KCTD1: variants seen among roughly 807,000 people sequenced by gnomAD.
KCTD1 encodes the protein BTB/POZ domain-containing protein KCTD1.
Under a neutral mutation model 66.0 loss-of-function variants are expected in KCTD1, and 24 were observed. That is an observed-to-expected ratio of 0.36 (90% CI 0.26 to 0.51). The LOEUF is 0.51. Among genes scored for constraint, KCTD1 ranks in the 20% least tolerant of loss-of-function variants. The probability of loss-of-function intolerance (pLI) is 0.95; values close to 1 mark genes in which losing one functional copy is unlikely to be tolerated. For missense variants in KCTD1, 943 were observed against 1,205.2 expected (o/e 0.78, Z 3.22); for synonymous variants, 511 against 517.2 (o/e 0.99, Z 0.16).
intron 1 of KCTD1, chr18:26,600,140 G>T: frequency 6.2e-7 from 1 of 1,608,300 alleles, no homozygotes; most frequent in Non-Finnish European, 8.5e-7. Context: ...AGGAAGGCCT[G>T]TAAGAACTGC....
chr18:26,608,270 C>G (rs1351515984), intron 1 of KCTD1, among the ~76,000 whole-genome samples: 1 of 152,128 alleles, frequency 6.6e-6, no homozygotes, highest in Non-Finnish European at 1.5e-5. Context: ...TCTTGTCTTA[C>G]CTGCTTCACT....
chr18:26,504,852 T>C (rs943652008), intron 1 of KCTD1, among the ~76,000 whole-genome samples: 1 of 152,200 alleles, frequency 6.6e-6, no homozygotes, highest in African/African-American at 2.4e-5. Context: ...GCTGACACTT[T>C]CTCAACTTCA....
In KCTD1 at chr18:26,605,799, G is replaced by A. The variant is rs544438028; in HGVS notation, c.-16+23348C>T. Among the ~76,000 whole-genome samples the A allele has an allele frequency of 4.0e-5, 6 of 148,878 alleles. No individual in the cohort carries two copies. The East Asian group carries it at 6.0e-4, about 15-fold the overall frequency. On this transcript the variant is annotated intron_variant, in intron 1 of 4. Coordinates refer to the KCTD1 transcript ENST00000317932. ...TACATCTTAGTAACTGTGGTAGATC[G>A]ATTACAAAAATTGTTTACCCTTCTC...
chr18:26,591,022 G>A (rs1233358632), intron 1 of KCTD1, among the ~76,000 whole-genome samples: 1 of 152,016 alleles, frequency 6.6e-6, no homozygotes, highest in Non-Finnish European at 1.5e-5. Context: ...ATTAGATAAT[G>A]TATATGAAAA....
chr18:26,568,026 C>T (rs1476843540), intron 1 of KCTD1, among the ~76,000 whole-genome samples: 1 of 152,144 alleles, frequency 6.6e-6, no homozygotes, highest in East Asian at 1.9e-4. Flanking sequence ...GTTAGCACAA[C>T]ATTTTAGATC....
chr18:26,516,368 C>G (rs1462637262), intron 1 of KCTD1, among the ~76,000 whole-genome samples: 1 of 152,120 alleles, frequency 6.6e-6, no homozygotes, highest in Non-Finnish European at 1.5e-5. Context: ...CAAGTGGGCC[C>G]TTTTGTATGA....
In KCTD1 at chr18:26,455,522, CATATAT is replaced by C. The variant is rs1178094077; in HGVS notation, c.*215_*220del. 8.2e-6 allele frequency: 2 copies of C among 243,114 alleles called. No homozygotes were observed. The highest frequency in any genetic ancestry group is 1.5e-5 in the Non-Finnish European group (2 of 133,894). 15.1% of individuals were successfully genotyped at this position (243,114 alleles called of 1,614,324 possible). A position where few individuals can be genotyped will look rare whatever the true frequency, so the allele number is the denominator to read the frequency against. On this transcript the variant is annotated 3_prime_UTR_variant, in exon 5 of 5. Coordinates refer to ENST00000580059, the MANE Select transcript of KCTD1 (RefSeq NM_001142730.3). ...CTTTTTTGCATTTCCTACCTTTTGACATATATATATATATTTATATATTTTTTACAC... is the reference window on the plus strand; with the variant it reads ...CTTTTTTGCATTTCCTACCTTTTGACATATATATTTATATATTTTTTACAC...
intron 1 of KCTD1, among the ~76,000 whole-genome samples, chr18:26,569,014 C>A (rs146747299): frequency 1.3e-3 from 193 of 152,186 alleles, no homozygotes; most frequent in Non-Finnish European, 2.1e-3. Flanking sequence ...GTTAACTGAT[C>A]CCACCTCTAT....
intron 1 of KCTD1, among the ~76,000 whole-genome samples, chr18:26,607,591 T>A (rs544473238): frequency 6.6e-6 from 1 of 152,192 alleles, no homozygotes; most frequent in Non-Finnish European, 1.5e-5. Flanking sequence ...TTCCATAATA[T>A]GTCACCACTC....
upstream of KCTD1, among the ~76,000 whole-genome samples, chr18:26,551,479 C>T (rs1202803246): frequency 6.6e-6 from 1 of 152,074 alleles, no homozygotes; most frequent in Non-Finnish European, 1.5e-5. Flanking sequence ...TATCGGGCAA[C>T]TGTGGATCTG....
chr18:26,569,960 G>C (rs1478424661), intron 1 of KCTD1, among the ~76,000 whole-genome samples: 1 of 152,094 alleles, frequency 6.6e-6, no homozygotes, highest in Non-Finnish European at 1.5e-5. Context: ...GCCAAGGTGG[G>C]TGGATCACCT....
In KCTD1 at chr18:26,557,803, C is replaced by T. The variant is rs181053639; in HGVS notation, c.-15-56553G>A. 1.2e-3 allele frequency among the ~76,000 whole-genome samples: 186 copies of T among 152,280 alleles called. 1 individual carries two copies. The highest frequency in any genetic ancestry group is 2.4e-3 in the Non-Finnish European group (163 of 68,026). On this transcript the variant is annotated intron_variant, in intron 1 of 4. Coordinates refer to the KCTD1 transcript ENST00000317932. ...ACACACATACACACACCAATTTTGC[C>T]TACCATTTCAGCAGAGATTGGAGTG...
chr18:26,600,389 C>T lies in KCTD1; in HGVS notation c.-16+28758G>A. 5 of 954,422 alleles carry T rather than the reference C, an allele frequency of 5.2e-6. No homozygotes were observed. The Middle Eastern group carries it at 1.3e-3, about 241-fold the overall frequency. 59.1% of individuals were successfully genotyped at this position (954,422 alleles called of 1,614,324 possible). On this transcript the variant is annotated intron_variant, in intron 1 of 4. Coordinates refer to the KCTD1 transcript ENST00000317932. ...ATCTGCTCCTCCAGCCAACTCCTGT[C>T]CCTCAAATCCCACCACGGTGTCTCC...
rs1290112513 is a variant in KCTD1 at position 26,544,589 on chromosome 18, C to A, written c.1809+2139G>T. On this transcript the variant is annotated intron_variant, in intron 1 of 4. Transcript: ENST00000580059. Reference sequence around the variant, plus strand: ...GAAGCTGGAGCTGCACAGGGCATTTCCTGCGGATTAATGACCAGCCAGAAG... The same window carrying A: ...GAAGCTGGAGCTGCACAGGGCATTTACTGCGGATTAATGACCAGCCAGAAG... 5 of 152,072 alleles carry A rather than the reference C, an allele frequency of 3.3e-5. No homozygotes were observed. In the South Asian group the frequency reaches 1.0e-3, roughly 32 times the overall value. 9.4% of individuals were successfully genotyped at this position (152,072 alleles called of 1,614,324 possible).
chr18:26,592,746 C>G (rs1209535294), intron 1 of KCTD1, among the ~76,000 whole-genome samples: 1 of 152,190 alleles, frequency 6.6e-6, no homozygotes, highest in African/African-American at 2.4e-5. Flanking sequence ...TGCTCTGTAA[C>G]CTTCCATTTT....
chr18:26,652,980 T>C (rs1259760921), intron 1 of KCTD1, among the ~76,000 whole-genome samples: 1 of 152,178 alleles, frequency 6.6e-6, no homozygotes, highest in African/African-American at 2.4e-5. Flanking sequence ...TCTGTAAACT[T>C]TCCCCTCTAC....
chr18:26,535,241 T>A (rs757697943), intron 1 of KCTD1, among the ~76,000 whole-genome samples: 3 of 152,222 alleles, frequency 2.0e-5, no homozygotes, highest in Non-Finnish European at 2.9e-5. Flanking sequence ...TTACTAGTTA[T>A]AACTGCATCA....
At chr18:26,590,929 A>C (rs1008425466) in intron 1 of KCTD1, among the ~76,000 whole-genome samples, 1 of 152,186 alleles carries the variant, frequency 6.6e-6, no homozygotes, top group Non-Finnish European at 1.5e-5. Flanking sequence ...GTGAACCCCA[A>C]ATCATTGCTG....
chr18:26,548,486 G>A lies in KCTD1; in HGVS notation c.51C>T (p.Ser17=). 1 of 1,245,790 alleles carries A rather than the reference G, an allele frequency of 8.0e-7. No homozygotes were observed. The highest frequency in any genetic ancestry group is 1.0e-6 in the Non-Finnish European group (1 of 1,001,958). The allele number at this position is 1,245,790 out of a possible 1,614,324, so 77.2% of individuals were successfully genotyped here. ...CGGCGGCGGCGGCGGCAGCGCTGGCGCTGCCGCCCGCGCTGGTGTTACAGT... is the reference window on the plus strand; with the variant it reads ...CGGCGGCGGCGGCGGCAGCGCTGGCACTGCCGCCCGCGCTGGTGTTACAGT... The part of the protein sequence containing the change: ...SGDCNTSAGG[S]ASAAAAAAEN... The change falls in exon 1 of 5, where the codon AGC becomes AGT. Residue 17 remains serine (S), a synonymous_variant. Coordinates refer to ENST00000580059, the MANE Select transcript of KCTD1 (RefSeq NM_001142730.3).
Sources: gnomAD v4.1 joint callset for allele counts (sites outside exome capture counted in the v4.1 genomes callset) on GRCh38, gnomAD v4.1.1 for gene constraint, MANE v1.5 for transcripts, NCBI Gene and HGNC (gene_info 2026-07-23, HGNC 2026-07-21) for gene names.